ULK2: variants seen among roughly 807,000 people sequenced by gnomAD.
ULK2 encodes the protein serine/threonine-protein kinase ULK2.
Under a neutral mutation model 127.5 loss-of-function variants are expected in ULK2, and 76 were observed. The observed-to-expected ratio is 0.60, with a 90% CI of 0.50 to 0.72. The LOEUF (loss-of-function observed/expected upper bound fraction) is 0.72, where lower values mean the gene tolerates loss of function less well. Among genes scored for constraint, ULK2 ranks in the 30% least tolerant of loss-of-function variants. The probability of loss-of-function intolerance (pLI) is 0.00; values close to 1 mark genes in which losing one functional copy is unlikely to be tolerated. For synonymous variants in ULK2, 452 were observed against 461.9 expected (o/e 0.98, Z 0.28); for missense variants, 1,144 against 1,295.9 (o/e 0.88, Z 1.80).
chr17:19,798,275 C>T (rs914811119), intron 17 of ULK2, among the ~76,000 whole-genome samples: 1 of 152,186 alleles, frequency 6.6e-6, no homozygotes, highest in African/African-American at 2.4e-5. Context: ...CATTAAATTA[C>T]ACACTTAAAA....
At chr17:19,814,485 T>A (rs281368) in intron 13 of ULK2, among the ~76,000 whole-genome samples, 1 of 125,312 alleles carries the variant, frequency 8.0e-6, no homozygotes, top group African/African-American at 2.9e-5. Context: ...CTTGCTCTGT[T>A]GCCCAGGCTG....
At chr17:19,810,255 AAACCAGAAATAATGGACTGT>A in intron 14 of ULK2, 103 bp downstream of exon 14, 1 of 409,866 alleles carries the variant, frequency 2.4e-6, no homozygotes, top group Non-Finnish European at 4.2e-6. Flanking sequence ...AAAAAAAAAA[AAACCAGAAATAATGGACTGT>A]AAAACAAAAT....
chr17:19,782,114 G>T, intron 22 of ULK2, 47 bp from the exon 23 acceptor site: 2 of 1,565,768 alleles, frequency 1.3e-6, no homozygotes, highest in Non-Finnish European at 1.7e-6. Context: ...TTAAAAATAC[G>T]TACATACTCA....
intron 14 of ULK2, among the ~76,000 whole-genome samples, chr17:19,805,939 T>G (rs1463137335): frequency 6.6e-6 from 1 of 152,248 alleles, no homozygotes; most frequent in Admixed American, 6.5e-5. Context: ...TGATACGCCA[T>G]TTAGTGTGCT....
rs1471039932 is a variant in ULK2, at chr17:19,777,562, A to ACC, written c.3052+18_3052+19insGG. On this transcript the variant is annotated intron_variant, in intron 26 of 26. Transcript: ENST00000395544. ...CTAAAATGAAGTAAAAAAATACACT[A>ACC]CTTTGTAAGTCAACTTACATTTATG... 2.5e-6 allele frequency: 4 copies of ACC among 1,591,530 alleles called. No individual in the cohort carries two copies. The East Asian group carries it at 9.0e-5, about 36-fold the overall frequency.
At chr17:19,803,146 G>A (rs1464014675) in intron 15 of ULK2, among the ~76,000 whole-genome samples, 1 of 152,058 alleles carries the variant, frequency 6.6e-6, no homozygotes, top group Non-Finnish European at 1.5e-5. Flanking sequence ...CATAACCATA[G>A]TTTATCAGCC....
intron 1 of ULK2, among the ~76,000 whole-genome samples, chr17:19,866,785 A>C (rs1362672645): frequency 2.0e-5 from 3 of 152,000 alleles, no homozygotes; most frequent in Non-Finnish European, 4.4e-5. Flanking sequence ...CACCTTTCTC[A>C]CCCGGAGCTC....
chr17:19,794,792 G>C (rs2087230227), intron 20 of ULK2, among the ~76,000 whole-genome samples: 1 of 151,734 alleles, frequency 6.6e-6, no homozygotes, highest in Non-Finnish European at 1.5e-5. Flanking sequence ...AATCACCTGG[G>C]AGTGTATTAC....
chr17:19,817,692 C>T (rs1284823587), intron 12 of ULK2, among the ~76,000 whole-genome samples: 1 of 152,142 alleles, frequency 6.6e-6, no homozygotes, highest in Admixed American at 6.5e-5. Context: ...CAACAATGAA[C>T]TTCATAGCTT....
chr17:19,830,332 C>T (rs1203352030), intron 10 of ULK2, among the ~76,000 whole-genome samples: 1 of 152,110 alleles, frequency 6.6e-6, no homozygotes, highest in Admixed American at 6.6e-5. Flanking sequence ...TCCCAAGAAG[C>T]TGGAACTAAA....
chr17:19,780,438 GTAC>G (rs1250540386), intron 25 of ULK2, 31 bp downstream of exon 25: 2 of 1,563,924 alleles, frequency 1.3e-6, no homozygotes, highest in African/African-American at 2.7e-5. Flanking sequence ...AAGATAAGTA[GTAC>G]TATACAATAT....
chr17:19,801,345 G>A (rs749361709), intron 16 of ULK2, among the ~76,000 whole-genome samples: 9 of 152,182 alleles, frequency 5.9e-5, no homozygotes, highest in African/African-American at 1.2e-4. Context: ...AGGCCAAGGC[G>A]AGTGGATGCT....
chr17:19,784,514 T>C (rs892815456), intron 21 of ULK2, among the ~76,000 whole-genome samples: 8 of 1,000 alleles, frequency 8.0e-3, no homozygotes, highest in African/African-American at 0.036. Flanking sequence ...GACATGATAC[T>C]TTTTTTTTTT....
At chr17:19,776,762 C>A (rs2086819120) in intron 26 of ULK2, among the ~76,000 whole-genome samples, 1 of 152,146 alleles carries the variant, frequency 6.6e-6, no homozygotes, top group African/African-American at 2.4e-5. Flanking sequence ...ATCCTGGTAT[C>A]CCATCAATCT....
intron 5 of ULK2, among the ~76,000 whole-genome samples, chr17:19,848,721 G>A (rs1272306706): frequency 6.6e-6 from 1 of 151,784 alleles, no homozygotes; most frequent in Non-Finnish European, 1.5e-5. Flanking sequence ...AGGTTGCAGT[G>A]AGCCAAGAAT....
In ULK2 at chr17:19,827,035, T is replaced by C. The variant is rs1445815099; in HGVS notation, c.788-849A>G. On this transcript the variant is annotated intron_variant, in intron 10 of 26. Coordinates refer to ENST00000395544, the MANE Select transcript of ULK2 (RefSeq NM_014683.4). The stretch of plus-strand genomic sequence containing the variant: ...ATTCTCCATAATAGTTGTTTCACTA[T>C]TGACCATAATTCTCATGGTTCAGAG... 7.2e-5 allele frequency among the ~76,000 whole-genome samples: 11 copies of C among 152,320 alleles called. 1 individual carries two copies. The highest frequency in any genetic ancestry group is 5.8e-4 in the East Asian group (3 of 5,188).
Position 19,865,722 on chromosome 17 carries a change from A to G in ULK2, c.183+14T>C, listed in dbSNP as rs1313627584. 7.0e-7 allele frequency: 1 copy of G among 1,427,450 alleles called. No homozygotes were observed. The highest frequency in any genetic ancestry group is 2.3e-5 in the East Asian group (1 of 42,968). 88.4% of individuals were successfully genotyped at this position (1,427,450 alleles called of 1,614,324 possible). On this transcript the variant is annotated intron_variant, in intron 2 of 26. Transcript: ENST00000395544. Reference sequence around the variant, plus strand: ...TTTAACCTTATATGAATACTACTACATAAAGTAACATACCTTTAAGATTTT... The same window carrying G: ...TTTAACCTTATATGAATACTACTACGTAAAGTAACATACCTTTAAGATTTT...
At chr17:19,858,482 G>A (rs186523301) in intron 3 of ULK2, among the ~76,000 whole-genome samples, 2 of 152,210 alleles carry the variant, frequency 1.3e-5, no homozygotes, top group South Asian at 2.1e-4. Flanking sequence ...CAATGACAAG[G>A]ACCATTTCTA....
At chr17:19,847,036 TTTA>T in intron 5 of ULK2, 126 bp from the exon 6 acceptor site, 1 of 863,486 alleles carries the variant, frequency 1.2e-6, no homozygotes, top group Non-Finnish European at 1.6e-6. Flanking sequence ...TTCACATTTA[TTTA>T]TTTTTTTAAC....
Sources: gnomAD v4.1 joint callset for allele counts (sites outside exome capture counted in the v4.1 genomes callset) on GRCh38, gnomAD v4.1.1 for gene constraint, MANE v1.5 for transcripts, NCBI Gene and HGNC (gene_info 2026-07-23, HGNC 2026-07-21) for gene names.